PTPRD: variants seen among roughly 807,000 people sequenced by gnomAD.
The protein encoded by PTPRD is protein tyrosine phosphatase receptor type D, also known as receptor-type tyrosine-protein phosphatase delta.
A neutral mutation model predicts 214.5 loss-of-function variants in PTPRD; 34 were observed. That is an observed-to-expected ratio of 0.16 (90% CI 0.12 to 0.21). PTPRD has a LOEUF of 0.21. Among genes scored for constraint, PTPRD ranks in the 10% least tolerant of loss-of-function variants. The pLI is 1.00. For synonymous variants in PTPRD, 1,128 were observed against 845.7 expected, an observed-to-expected ratio of 1.33 and a Z score of -5.79; for missense variants, 2,545 against 2,398.7, an observed-to-expected ratio of 1.06 and a Z score of -1.27.
In PTPRD at chr9:9,568,430, C is replaced by G. The variant is rs1021855216; in HGVS notation, c.-237+6302G>C. Among the ~76,000 whole-genome samples, 4 of 151,928 alleles carry G rather than the reference C, an allele frequency of 2.6e-5. No homozygotes were observed. The East Asian group carries it at 7.7e-4, about 29-fold the overall frequency. On this transcript the variant is annotated intron_variant, in intron 8 of 45. Coordinates refer to ENST00000381196, the MANE Select transcript of PTPRD (RefSeq NM_002839.4). ...ATACATTTCAGATTTCTTAGAAGATCATTATACAAATAAAACCATCCAGAA... is the reference window on the plus strand; with the variant it reads ...ATACATTTCAGATTTCTTAGAAGATGATTATACAAATAAAACCATCCAGAA...
intron 5 of PTPRD, among the ~76,000 whole-genome samples, chr9:9,834,353 A>G (rs528553425): frequency 6.6e-6 from 1 of 152,120 alleles, no homozygotes; most frequent in African/African-American, 2.4e-5. Context: ...CAGATCTACC[A>G]TGGATTATTG....
chr9:9,814,764 GA>G (rs1463282058), intron 5 of PTPRD, among the ~76,000 whole-genome samples: 1 of 145,518 alleles, frequency 6.9e-6, no homozygotes, highest in Non-Finnish European at 1.5e-5. Flanking sequence ...AAATGTATAT[GA>G]AACCATGAAC....
chr9:10,365,262 C>T (rs745398552), intron 2 of PTPRD, among the ~76,000 whole-genome samples: 6 of 152,130 alleles, frequency 3.9e-5, no homozygotes, highest in Non-Finnish European at 8.8e-5. Flanking sequence ...AAGTTGTCCA[C>T]TCTGCTTATA....
intron 11 of PTPRD, among the ~76,000 whole-genome samples, chr9:8,960,013 T>C (rs1414352352): frequency 6.6e-6 from 1 of 152,018 alleles, no homozygotes; most frequent in Non-Finnish European, 1.5e-5. Flanking sequence ...AGTATAACGG[T>C]TGATTTTACA....
At chr9:10,507,440 A>G (rs2046382924) in intron 2 of PTPRD, among the ~76,000 whole-genome samples, 1 of 152,168 alleles carries the variant, frequency 6.6e-6, no homozygotes, top group Non-Finnish European at 1.5e-5. Context: ...CAGAATTGGA[A>G]AAAACTACTT....
chr9:9,826,943 C>T (rs934874226), intron 5 of PTPRD, among the ~76,000 whole-genome samples: 4 of 152,054 alleles, frequency 2.6e-5, no homozygotes, highest in African/African-American at 9.7e-5. Context: ...ATCCAACTTA[C>T]AAGGGATGTG....
intron 4 of PTPRD, among the ~76,000 whole-genome samples, chr9:9,968,992 G>A (rs775516885): frequency 3.9e-5 from 6 of 152,128 alleles, no homozygotes; most frequent in Non-Finnish European, 8.8e-5. Flanking sequence ...TGGCCTCATA[G>A]ATACTGCAGT....
intron 3 of PTPRD, among the ~76,000 whole-genome samples, chr9:10,071,789 G>A (rs868766839): frequency 4.0e-5 from 6 of 151,104 alleles, no homozygotes; most frequent in African/African-American, 1.5e-4. Context: ...TTAGTTTCAG[G>A]GAAAAAAAAC....
Position 9,486,259 on chromosome 9 carries a change from T to C in PTPRD, c.-237+88473A>G, listed in dbSNP as rs529134475. Among the ~76,000 whole-genome samples, 54 of 146,836 alleles carry C rather than the reference T, an allele frequency of 3.7e-4. 1 individual carries two copies. In the East Asian group the frequency reaches 8.7e-3, roughly 24 times the overall value. ...CCTTTCACAGAGAACCTTGAATAAGTAGTCAACATCCCTTACCTTTGCGTC... is the reference window on the plus strand; with the variant it reads ...CCTTTCACAGAGAACCTTGAATAAGCAGTCAACATCCCTTACCTTTGCGTC... On this transcript the variant is annotated intron_variant, in intron 8 of 45. Coordinates refer to ENST00000381196, the MANE Select transcript of PTPRD (RefSeq NM_002839.4).
rs1048192833 is a variant in PTPRD at position 9,408,228 on chromosome 9, T to C, written c.-236-10746A>G. On this transcript the variant is annotated intron_variant, in intron 8 of 45. Coordinates refer to ENST00000381196, the MANE Select transcript of PTPRD (RefSeq NM_002839.4). ...TAAACATTCTGACAGCAAAGGAAAT[T>C]ATTATATGTGCAAATTGGGTATCAC... 2.0e-5 allele frequency among the ~76,000 whole-genome samples: 3 copies of C among 151,852 alleles called. No homozygotes were observed. The South Asian group carries it at 6.2e-4, about 31-fold the overall frequency.
At chr9:9,566,513 C>A (rs1002574689) in intron 8 of PTPRD, among the ~76,000 whole-genome samples, 1 of 151,924 alleles carries the variant, frequency 6.6e-6, no homozygotes, top group East Asian at 1.9e-4. Flanking sequence ...CAATGTAATT[C>A]TTGCTGGAGA....
chr9:8,965,073 T>G (rs768296806), intron 11 of PTPRD, among the ~76,000 whole-genome samples: 7 of 152,180 alleles, frequency 4.6e-5, no homozygotes, highest in Non-Finnish European at 5.9e-5. Flanking sequence ...AGTGTCAAGT[T>G]TAAGTTCAGG....
At chr9:8,834,109 T>C (rs2097360681) in intron 11 of PTPRD, among the ~76,000 whole-genome samples, 1 of 152,122 alleles carries the variant, frequency 6.6e-6, no homozygotes, top group South Asian at 2.1e-4. Context: ...AATGAATTTC[T>C]TCCCTTCATA....
intron 12 of PTPRD, among the ~76,000 whole-genome samples, chr9:8,641,598 TGCGTCACAACA>T (rs1184053424): frequency 6.6e-6 from 1 of 150,638 alleles, no homozygotes; most frequent in Non-Finnish European, 1.5e-5. Context: ...CGCATGCATA[TGCGTCACAACA>T]GAGACATGGC....
chr9:8,830,708 G>A (rs2097270604), intron 11 of PTPRD, among the ~76,000 whole-genome samples: 1 of 152,064 alleles, frequency 6.6e-6, no homozygotes, highest in Non-Finnish European at 1.5e-5. Flanking sequence ...CTGAAAGGAA[G>A]ACTTTTTAAA....
intron 11 of PTPRD, among the ~76,000 whole-genome samples, chr9:8,965,311 C>A (rs1006683910): frequency 6.7e-6 from 1 of 149,664 alleles, no homozygotes. Flanking sequence ...ACCCGGGAGG[C>A]GGAGGTTGCA....
At chr9:10,192,008 G>T (rs1047914358) in intron 3 of PTPRD, among the ~76,000 whole-genome samples, 1 of 152,098 alleles carries the variant, frequency 6.6e-6, no homozygotes, top group Non-Finnish European at 1.5e-5. Flanking sequence ...AAATTGTTTT[G>T]TTGGTAATCA....
chr9:9,254,759 G>A (rs766868929), intron 9 of PTPRD, among the ~76,000 whole-genome samples: 8 of 152,020 alleles, frequency 5.3e-5, no homozygotes, highest in East Asian at 2.0e-4. Context: ...GTTTTTAAAC[G>A]GTATTTTAAA....
Position 8,667,536 on chromosome 9 carries a change from C to G in PTPRD, c.65-30692G>C, listed in dbSNP as rs565808063. 8.8e-4 allele frequency among the ~76,000 whole-genome samples: 134 copies of G among 152,158 alleles called. 1 individual carries two copies. Among genetic ancestry groups the G allele is most frequent in the African/African-American group, 2.8e-3 (117 of 41,518 alleles). On this transcript the variant is annotated intron_variant, in intron 12 of 45. Transcript: ENST00000381196. ...AAGTGAAAAATTCCACATCTAAGTA[C>G]TTAACAGAAACTTCATTTCATGCAC... is the stretch of plus-strand genomic sequence containing the variant.
Sources: allele counts gnomAD v4.1 joint callset (sites outside exome capture counted in the v4.1 genomes callset), GRCh38; gene constraint gnomAD v4.1.1; transcripts MANE v1.5; gene names NCBI Gene and HGNC (gene_info 2026-07-23, HGNC 2026-07-21).